The following PLSCR4 variants were observed in gnomAD, a reference collection of about 807,000 sequenced individuals.
PLSCR4 encodes Ca(2+)-dependent phospholipid scramblase 4.
Under a neutral mutation model 36.3 loss-of-function variants are expected in PLSCR4, and 25 were observed. The observed-to-expected ratio is 0.69, with a 90% confidence interval of 0.50 to 0.96. The LOEUF (loss-of-function observed/expected upper bound fraction) is 0.96, where lower values mean the gene tolerates loss of function less well. Ranked by LOEUF, PLSCR4 falls within the 40% of genes least tolerant of loss-of-function variation. PLSCR4 has a pLI of 0.00. For synonymous variants in PLSCR4, 122 were observed against 132.9 expected (o/e 0.92, Z 0.56); for missense variants, 408 against 414.7 (o/e 0.98, Z 0.14).
chr3:146,239,465 G>A (rs891806706), intron 1 of PLSCR4, among the ~76,000 whole-genome samples: 1 of 148,124 alleles, frequency 6.8e-6, no homozygotes, highest in African/African-American at 2.5e-5. Context: ...ATACCAACAG[G>A]GGAAGGAAAT....
rs114940345 is a variant in PLSCR4 at position 146,199,803 on chromosome 3, A to G, written c.624+10T>C. The G allele has an allele frequency of 1.8e-3, 2,871 of 1,603,878 alleles. 38 individuals carry two copies. In the African/African-American group the frequency reaches 0.034, roughly 19 times the overall value. Reference sequence around the variant, plus strand: ...GAAGCAAGCTGTGGATCAGACTTCCATTCTCTGACCTCTTGTCTGGCAGAG... The same window carrying G: ...GAAGCAAGCTGTGGATCAGACTTCCGTTCTCTGACCTCTTGTCTGGCAGAG... On this transcript the variant is annotated intron_variant, in intron 6 of 8. Coordinates refer to ENST00000354952, the MANE Select transcript of PLSCR4 (RefSeq NM_020353.3).
intron 3 of PLSCR4, among the ~76,000 whole-genome samples, chr3:146,216,859 T>C (rs1190042763): frequency 6.6e-6 from 1 of 152,148 alleles, no homozygotes; most frequent in Non-Finnish European, 1.5e-5. Flanking sequence ...CATGGGACAA[T>C]GCAGTGGTCT....
intron 3 of PLSCR4, among the ~76,000 whole-genome samples, chr3:146,209,425 A>AT (rs1362538009): frequency 6.6e-6 from 1 of 152,094 alleles, no homozygotes; most frequent in Non-Finnish European, 1.5e-5. Flanking sequence ...GAAATAAAAT[A>AT]TTTTTTAAAA....
intron 7 of PLSCR4, among the ~76,000 whole-genome samples, chr3:146,196,024 A>G (rs373171860): frequency 6.6e-6 from 1 of 152,214 alleles, no homozygotes; most frequent in Admixed American, 6.5e-5. Flanking sequence ...AGCCTAGGAA[A>G]TATTTCTAGG....
chr3:146,201,423 T>C, intron 4 of PLSCR4, among the ~76,000 whole-genome samples: 1 of 152,080 alleles, frequency 6.6e-6, no homozygotes, highest in East Asian at 1.9e-4. Context: ...CTCACTGGTC[T>C]CTCTACATGT....
chr3:146,216,138 G>A (rs984181182), intron 3 of PLSCR4, among the ~76,000 whole-genome samples: 2 of 152,142 alleles, frequency 1.3e-5, no homozygotes, highest in African/African-American at 4.8e-5. Context: ...GCTGATGCAG[G>A]AGAATCATTT....
Position 146,199,728 on chromosome 3 carries a change from T to C in PLSCR4, c.624+85A>G. 5.4e-6 allele frequency: 6 copies of C among 1,107,534 alleles called. No individual in the cohort carries two copies. In the South Asian group the frequency reaches 6.8e-5, roughly 13 times the overall value. 68.6% of individuals were successfully genotyped at this position (1,107,534 alleles called of 1,614,324 possible). On this transcript the variant is annotated intron_variant, in intron 6 of 8. Coordinates refer to ENST00000354952, the MANE Select transcript of PLSCR4 (RefSeq NM_020353.3). ...TTCTGGCTGGCAGGGCCAGGGAATATCCTCCCTATGTAGTGGAAGGAGCAC... is the reference window on the plus strand; with the variant it reads ...TTCTGGCTGGCAGGGCCAGGGAATACCCTCCCTATGTAGTGGAAGGAGCAC...
At chr3:146,228,088 T>C (rs1010898891) in intron 1 of PLSCR4, among the ~76,000 whole-genome samples, 1 of 152,140 alleles carries the variant, frequency 6.6e-6, no homozygotes, top group African/African-American at 2.4e-5. Flanking sequence ...TGTTCTTAGG[T>C]TATCCTGTTA....
At chr3:146,241,852 C>T (rs1363205227) in intron 1 of PLSCR4, among the ~76,000 whole-genome samples, 1 of 152,140 alleles carries the variant, frequency 6.6e-6, no homozygotes, top group South Asian at 2.1e-4. Flanking sequence ...AATTACTAAC[C>T]GCAAGATAAC....
At chr3:146,235,311 G>T (rs373794667) in intron 1 of PLSCR4, among the ~76,000 whole-genome samples, 1 of 151,926 alleles carries the variant, frequency 6.6e-6, no homozygotes, top group African/African-American at 2.4e-5. Context: ...ATGAGTTCTC[G>T]TGACATCTAG....
At chr3:146,221,881 G>A (rs959914815) in intron 2 of PLSCR4, among the ~76,000 whole-genome samples, 184 bp downstream of exon 2, 3 of 151,572 alleles carry the variant, frequency 2.0e-5, no homozygotes, top group Non-Finnish European at 2.9e-5. Context: ...GACAATGATA[G>A]GAATGTCTAT....
intron 1 of PLSCR4, 104 bp downstream of exon 1, chr3:146,250,856 G>A (rs2036520165): frequency 6.6e-6 from 1 of 152,572 alleles, no homozygotes; most frequent in East Asian, 1.9e-4. Flanking sequence ...CCTGCCCGCA[G>A]GCACCGCGGC....
intron 1 of PLSCR4, among the ~76,000 whole-genome samples, chr3:146,240,329 G>T (rs1194826300): frequency 6.6e-6 from 1 of 152,146 alleles, no homozygotes; most frequent in South Asian, 2.1e-4. Flanking sequence ...AGGCATTAAG[G>T]CCGGTCATAG....
Position 146,224,204 on chromosome 3 carries a change from T to C in PLSCR4, c.-21-2112A>G, listed in dbSNP as rs1055765833. Reference sequence around the variant, plus strand: ...ATAACACTATTCATATTTAAAAGAATGAAAACTTGCCTAATGTCCATCAAT... The same window carrying C: ...ATAACACTATTCATATTTAAAAGAACGAAAACTTGCCTAATGTCCATCAAT... On this transcript the variant is annotated intron_variant, in intron 1 of 8. Transcript: ENST00000354952. Among the ~76,000 whole-genome samples the C allele has an allele frequency of 9.2e-5, 14 of 152,236 alleles. 5 individuals are homozygous for C.
chr3:146,200,564 T>C (rs2033989965), intron 5 of PLSCR4, among the ~76,000 whole-genome samples: 1 of 152,060 alleles, frequency 6.6e-6, no homozygotes, highest in Admixed American at 6.6e-5. Flanking sequence ...ACTGAGATCT[T>C]TTCTTCTTAC....
chr3:146,243,457 T>C (rs1318043071), intron 1 of PLSCR4, among the ~76,000 whole-genome samples: 1 of 152,154 alleles, frequency 6.6e-6, no homozygotes, highest in African/African-American at 2.4e-5. Context: ...TAAGAAAAGA[T>C]TATAATATTC....
intron 1 of PLSCR4, among the ~76,000 whole-genome samples, chr3:146,242,568 T>C (rs2036196224): frequency 6.6e-6 from 1 of 152,054 alleles, no homozygotes; most frequent in African/African-American, 2.4e-5. Context: ...TTTGACTGGG[T>C]CAGACATAAA....
At chr3:146,195,544 A>T (rs965902132) in intron 7 of PLSCR4, among the ~76,000 whole-genome samples, 1 of 152,210 alleles carries the variant, frequency 6.6e-6, no homozygotes, top group Non-Finnish European at 1.5e-5. Flanking sequence ...AAGAAGAGGT[A>T]TGATTTGAAC....
At chr3:146,236,881 A>G (rs1231308065) in intron 1 of PLSCR4, among the ~76,000 whole-genome samples, 2 of 152,200 alleles carry the variant, frequency 1.3e-5, no homozygotes, top group African/African-American at 2.4e-5. Context: ...AGGCTAAGAA[A>G]GATATACCAT....
Sources: gnomAD v4.1 joint callset for allele counts (sites outside exome capture counted in the v4.1 genomes callset) on GRCh38, gnomAD v4.1.1 for gene constraint, MANE v1.5 for transcripts, NCBI Gene and HGNC (gene_info 2026-07-23, HGNC 2026-07-21) for gene names.